USP40: variants seen among roughly 807,000 people sequenced by gnomAD.
The protein encoded by USP40 is ubiquitin carboxyl-terminal hydrolase 40.
USP40 carries 143 observed loss-of-function variants against 166.2 expected under a neutral mutation model. The ratio of observed to expected loss-of-function variants is 0.86; its 90% CI spans 0.75 to 0.99. The LOEUF (loss-of-function observed/expected upper bound fraction) is 0.99. Ranked by LOEUF, USP40 falls within the 50% of genes least tolerant of loss-of-function variation. The probability of loss-of-function intolerance (pLI) is 0.00; values close to 1 mark genes in which losing one functional copy is unlikely to be tolerated. For missense variants in USP40, 1,444 were observed against 1,479.7 expected, an observed-to-expected ratio of 0.98 and a Z score of 0.40; for synonymous variants, 498 against 524.0, an observed-to-expected ratio of 0.95 and a Z score of 0.68.
chr2:233,493,416 T>G lies in USP40; in HGVS notation c.2917+9A>C. 1 of 1,614,014 alleles carries G rather than the reference T, an allele frequency of 6.2e-7. No individual in the cohort carries two copies. Among genetic ancestry groups the G allele is most frequent in the African/African-American group, 1.3e-5 (1 of 75,070 alleles). Reference sequence around the variant, plus strand: ...TGCACTGGCTGCTGAAATCCCATTCTGTTCTCACCTTGGCTGGAAGTGGCT... The same window carrying G: ...TGCACTGGCTGCTGAAATCCCATTCGGTTCTCACCTTGGCTGGAAGTGGCT... On this transcript the variant is annotated intron_variant, in intron 25 of 31. Transcript: ENST00000678225. This position sits in a 1 kb window ranked among gnomAD's most constrained non-coding sequence, Gnocchi z 4.7.
At chr2:233,513,707 C>T (rs1395257122) in intron 18 of USP40, among the ~76,000 whole-genome samples, 1 of 152,116 alleles carries the variant, frequency 6.6e-6, no homozygotes, top group East Asian at 1.9e-4. Flanking sequence ...TGATTTTATG[C>T]TTATTAAATC....
In USP40 at chr2:233,542,348, G is replaced by C. The variant is rs1409044473; in HGVS notation, c.982C>G (p.Pro328Ala). Reference protein sequence around the residue: ...NWQFQEEKSKPDVNLKDLQSE... With the variant: ...NWQFQEEKSKADVNLKDLQSE... Reference sequence around the variant, plus strand: ...TGGAGATCTTTCAGATTCACATCTGGTTTACTTTTTTCCTCCTAGGAAGGA... The same window carrying C: ...TGGAGATCTTTCAGATTCACATCTGCTTTACTTTTTTCCTCCTAGGAAGGA... The change falls in exon 9 of 32, where the codon CCA becomes GCA. Residue 328 changes from proline to alanine, a missense_variant. Coordinates refer to ENST00000678225, the MANE Select transcript of USP40 (RefSeq NM_001365479.2). The C allele has an allele frequency of 6.4e-7, 1 of 1,552,900 alleles. No homozygotes were observed. The highest frequency in any genetic ancestry group is 8.7e-7 in the Non-Finnish European group (1 of 1,148,816).
intron 3 of USP40, among the ~76,000 whole-genome samples, chr2:233,560,393 G>A (rs1203491779): frequency 1.3e-5 from 2 of 152,160 alleles, no homozygotes; most frequent in Admixed American, 1.3e-4. Flanking sequence ...GGTGAGGGCT[G>A]GGGCAGACTG....
At chr2:233,549,071 A>C (rs2070279000) in intron 8 of USP40, 30 bp downstream of exon 8, 1 of 1,566,510 alleles carries the variant, frequency 6.4e-7, no homozygotes, top group African/African-American at 1.4e-5. Flanking sequence ...GAAATTGCAA[A>C]GATATTTCTA....
intron 2 of USP40, among the ~76,000 whole-genome samples, 180 bp from the exon 3 acceptor site, chr2:233,562,983 AGAAAATAGTGTC>A (rs2071793648): frequency 1.3e-5 from 2 of 152,206 alleles, no homozygotes; most frequent in African/African-American, 4.8e-5. Flanking sequence ...AGTGACTCTA[AGAAAATAGTGTC>A]ATGCTAAGGC....
intron 10 of USP40, among the ~76,000 whole-genome samples, chr2:233,537,107 C>T (rs1433443654): frequency 2.0e-5 from 3 of 152,134 alleles, no homozygotes; most frequent in Non-Finnish European, 4.4e-5. Flanking sequence ...TGGTCTTAAA[C>T]TCCTGGGCTC....
rs773910265 is a variant in USP40, at chr2:233,561,115, T to C, written c.268-1191A>G. 5 of 1,547,548 alleles carry C rather than the reference T, an allele frequency of 3.2e-6. No homozygotes were observed. The South Asian group carries it at 3.6e-5, about 11-fold the overall frequency. On this transcript the variant is annotated intron_variant, in intron 3 of 31. Transcript: ENST00000678225. ...ACTTAATTCCTTCTTTAAAAAAAAT[T>C]TTCTGAATACGCTAAAACACCCCAG...
In USP40 at chr2:233,523,386, A is replaced by G. The variant is rs781545893; in HGVS notation, c.1985T>C (p.Ile662Thr). The G allele has an allele frequency of 1.1e-5, 17 of 1,613,898 alleles. No homozygotes were observed. Among genetic ancestry groups the G allele is most frequent in the African/African-American group, 1.3e-5 (1 of 74,922 alleles). ...SSDGEKCCQV[I>T]ESPHVFPANA... Reference sequence around the variant, plus strand: ...AGCTGGAAAGACATGTGGAGATTCTATCACCTGACAACACTTTTCTCCATC... The same window carrying G: ...AGCTGGAAAGACATGTGGAGATTCTGTCACCTGACAACACTTTTCTCCATC... The change falls in exon 16 of 32, where the codon ATA becomes ACA. Residue 662 changes from isoleucine (I) to threonine (T), a missense_variant. Ile to Thr is a moderately conservative substitution (Grantham distance 89). Coordinates refer to ENST00000678225, the MANE Select transcript of USP40 (RefSeq NM_001365479.2).
intron 10 of USP40, among the ~76,000 whole-genome samples, chr2:233,540,265 A>C (rs946291536): frequency 2.6e-5 from 4 of 152,180 alleles, no homozygotes; most frequent in Admixed American, 1.3e-4. Context: ...CAGACACTAA[A>C]AGGATAATGA....
At chr2:233,539,031 A>T (rs1423030156) in intron 10 of USP40, among the ~76,000 whole-genome samples, 1 of 152,158 alleles carries the variant, frequency 6.6e-6, no homozygotes, top group Non-Finnish European at 1.5e-5. Context: ...TCTGTCTCAA[A>T]AAAAAGGCAA....
intron 10 of USP40, 108 bp downstream of exon 10, chr2:233,540,554 T>C (rs1458638074): frequency 1.5e-6 from 1 of 652,500 alleles, no homozygotes; most frequent in Admixed American, 2.9e-5. Context: ...AATACGGTGA[T>C]TTTATTTTCA....
At chr2:233,501,086 C>T (rs2066048742) in intron 21 of USP40, among the ~76,000 whole-genome samples, 2 of 152,098 alleles carry the variant, frequency 1.3e-5, no homozygotes, top group South Asian at 4.1e-4. Flanking sequence ...GATAAAAACA[C>T]AGTATACTAA....
rs2065961911 is a variant in USP40 at position 233,499,864 on chromosome 2, T to C, written c.2650+15A>G. On this transcript the variant is annotated intron_variant, in intron 22 of 31. Transcript: ENST00000678225. ...TAGGCTTTTAAGTAATATGTCATCA[T>C]GGTAAGTAACTTACCTTGTAGGCCA... 1.2e-6 allele frequency: 2 copies of C among 1,608,366 alleles called. No homozygotes were observed. Among genetic ancestry groups the C allele is most frequent in the Admixed American group, 1.7e-5 (1 of 59,264 alleles).
intron 10 of USP40, among the ~76,000 whole-genome samples, 154 bp from the exon 11 acceptor site, chr2:233,533,933 C>A (rs2068746813): frequency 6.6e-6 from 1 of 152,136 alleles, no homozygotes; most frequent in Non-Finnish European, 1.5e-5. Context: ...ATCTAGGTAT[C>A]ATAAAACATT....
At position 233,485,853 on chromosome 2, in the gene USP40, C is replaced by T. The variant is rs768966144; in HGVS notation, c.3322G>A (p.Ala1108Thr). Residue 1108 changes from alanine (A) to threonine (T), a missense_variant, in exon 29 of 32, where the codon GCC (alanine) becomes ACC (threonine). Ala to Thr is a moderately conservative substitution (Grantham distance 58). Transcript: ENST00000678225. ...GTAGSLRQRV[A>T]DFYRLPVEKI... ...TCCACGGGAAGACGATAGAAATCGG[C>T]AACTCTCTGCCTCAGGGAGCCGGCA... 1 of 1,610,160 alleles carries T rather than the reference C, an allele frequency of 6.2e-7. No individual in the cohort carries two copies. Among genetic ancestry groups the T allele is most frequent in the Non-Finnish European group, 8.5e-7 (1 of 1,178,490 alleles).
intron 5 of USP40, among the ~76,000 whole-genome samples, chr2:233,554,819 CG>C (rs1263011463): frequency 2.0e-5 from 3 of 152,128 alleles, no homozygotes; most frequent in African/African-American, 7.2e-5. Context: ...CAATAAGACA[CG>C]TATCTGAATT....
chr2:233,562,860 G>C, intron 2 of USP40, 57 bp from the exon 3 acceptor site: 4 of 1,390,224 alleles, frequency 2.9e-6, no homozygotes, highest in Non-Finnish European at 2.9e-6. Context: ...TTAAAAAATT[G>C]TTTTAGAAAG....
intron 20 of USP40, among the ~76,000 whole-genome samples, chr2:233,510,973 A>G (rs2066791500): frequency 6.6e-6 from 1 of 151,976 alleles, no homozygotes; most frequent in Non-Finnish European, 1.5e-5. Flanking sequence ...TCAGCTTGTC[A>G]TGCACTACTA....
chr2:233,558,879 T>G (rs1003826753), intron 4 of USP40, among the ~76,000 whole-genome samples: 8 of 151,970 alleles, frequency 5.3e-5, no homozygotes, highest in African/African-American at 1.9e-4. Flanking sequence ...GGGAATGTAT[T>G]ATACCCCATT....
Sources: allele counts gnomAD v4.1 joint callset (sites outside exome capture counted in the v4.1 genomes callset), GRCh38; gene constraint gnomAD v4.1.1; non-coding constraint Gnocchi (gnomAD v3.1); transcripts MANE v1.5; gene names NCBI Gene and HGNC (gene_info 2026-07-23, HGNC 2026-07-21).